The following CHL1 variants were observed in gnomAD, a reference collection of about 807,000 sequenced individuals.
CHL1 encodes the protein cell adhesion molecule L1 like.
In CHL1, 96 loss-of-function variants were observed where a neutral mutation model predicts 141.9. The ratio of observed to expected loss-of-function variants is 0.68; its 90% CI spans 0.57 to 0.80. The LOEUF is 0.80. CHL1 is among the 30% of genes least tolerant of loss of function. The pLI is 0.00. For missense variants in CHL1, 1,820 were observed against 1,457.2 expected, an observed-to-expected ratio of 1.25 and a Z score of -4.05; for synonymous variants, 613 against 502.2, an observed-to-expected ratio of 1.22 and a Z score of -2.95.
chr3:374,856 C>G (rs752872569), intron 15 of CHL1, among the ~76,000 whole-genome samples: 1 of 152,278 alleles, frequency 6.6e-6, no homozygotes, highest in African/African-American at 2.4e-5. Flanking sequence ...GAGACACCTT[C>G]TCCTTATTAC....
chr3:264,218 C>G (rs189669420), intron 2 of CHL1, among the ~76,000 whole-genome samples: 1 of 152,238 alleles, frequency 6.6e-6, no homozygotes, highest in Non-Finnish European at 1.5e-5. Flanking sequence ...TATTTCTCTA[C>G]GCACTTTTAA....
intron 1 of CHL1, among the ~76,000 whole-genome samples, chr3:213,945 C>T (rs1486852455): frequency 6.6e-6 from 1 of 152,138 alleles, no homozygotes; most frequent in African/African-American, 2.4e-5. Context: ...AAGGCTTCCT[C>T]ACATATTATA....
chr3:238,758 C>G (rs1417395244), intron 1 of CHL1, among the ~76,000 whole-genome samples: 3 of 110,430 alleles, frequency 2.7e-5, no homozygotes, highest in Admixed American at 1.1e-4. Flanking sequence ...AACCCCGTCT[C>G]TACTAAAAAT....
intron 2 of CHL1, among the ~76,000 whole-genome samples, chr3:251,387 A>G (rs939830414): frequency 6.6e-6 from 1 of 152,164 alleles, no homozygotes; most frequent in Non-Finnish European, 1.5e-5. Flanking sequence ...AGATTTGGAC[A>G]AACTAGTCAA....
At chr3:302,372 A>G (rs1698832151) in intron 2 of CHL1, among the ~76,000 whole-genome samples, 1 of 152,206 alleles carries the variant, frequency 6.6e-6, no homozygotes, top group South Asian at 2.1e-4. Flanking sequence ...ACAGTGTAAA[A>G]GCATTCCTAT....
intron 2 of CHL1, among the ~76,000 whole-genome samples, chr3:288,489 C>T (rs1286685021): frequency 1.3e-5 from 2 of 151,864 alleles, no homozygotes. Context: ...CTAATGAGGT[C>T]AAGTTTACAG....
At chr3:308,204 T>C (rs1699415922) in intron 2 of CHL1, among the ~76,000 whole-genome samples, 1 of 152,236 alleles carries the variant, frequency 6.6e-6, no homozygotes, top group Non-Finnish European at 1.5e-5. Context: ...CAACCGTCTA[T>C]ATCTATGCAG....
At position 359,367 on chromosome 3, in the gene CHL1, G is replaced by C. The variant is rs1319753095; in HGVS notation, c.1166-917G>C. On this transcript the variant is annotated intron_variant, in intron 11 of 27. Coordinates refer to ENST00000256509, the MANE Select transcript of CHL1 (RefSeq NM_006614.4). ...CACCCAGTCTGGAGTGCAGTGGCGA[G>C]ATCTTGGCTCACTGTAACCTCCACC... is the stretch of plus-strand genomic sequence containing the variant. Among the ~76,000 whole-genome samples the C allele has an allele frequency of 2.6e-5, 4 of 151,794 alleles. No homozygotes were observed. The South Asian group carries it at 6.3e-4, about 24-fold the overall frequency.
chr3:216,440 A>T (rs11714407), intron 1 of CHL1, among the ~76,000 whole-genome samples: 1 of 152,064 alleles, frequency 6.6e-6, no homozygotes, highest in South Asian at 2.1e-4. Context: ...ATTTTCTTTC[A>T]TAAAGCTGAG....
rs1160180134 is a variant in CHL1 at position 407,993 on chromosome 3, C to T, written c.*2282C>T. On this transcript the variant is annotated 3_prime_UTR_variant, in exon 28 of 28. Transcript: ENST00000256509. ...CAATACTATTTGGCAACTACTGGGACTCTTCAGCACAAAAGGAATAGATCT... is the reference window on the plus strand; with the variant it reads ...CAATACTATTTGGCAACTACTGGGATTCTTCAGCACAAAAGGAATAGATCT... The T allele has an allele frequency of 7.9e-5, 12 of 152,036 alleles. No individual in the cohort carries two copies. Among genetic ancestry groups the T allele is most frequent in the Non-Finnish European group, 1.8e-4 (12 of 67,996 alleles). 9.4% of individuals were successfully genotyped at this position (152,036 alleles called of 1,614,324 possible).
intron 2 of CHL1, among the ~76,000 whole-genome samples, chr3:277,751 C>T (rs1385850708): frequency 1.3e-5 from 2 of 152,156 alleles, no homozygotes; most frequent in African/African-American, 4.8e-5. Context: ...TCCCCCTTTC[C>T]CTGTCTTTGG....
chr3:212,930 A>T (rs185153693), intron 1 of CHL1, among the ~76,000 whole-genome samples: 154 of 152,368 alleles, frequency 1.0e-3, no homozygotes, highest in Non-Finnish European at 1.7e-3. Flanking sequence ...TTAAGATTTT[A>T]ACTGGCTTAC....
Position 391,787 on chromosome 3 carries a change from A to G in CHL1, c.2904A>G (p.Gln968=), listed in dbSNP as rs150099284. ...LNGNLTGYLL[Q]YQIINDTYEI... is the part of the protein sequence containing the mutation. ...GAAACTTAACTGGCTATCTTTTGCA[A>G]TATCAGATAAGTAAGTAGAAATTTG... is the stretch of plus-strand genomic sequence containing the variant. The change falls in exon 23 of 28, where the codon CAA becomes CAG. Residue 968 remains glutamine (Q), a synonymous_variant. Transcript: ENST00000256509. 1.3e-6 allele frequency: 2 copies of G among 1,582,602 alleles called. No homozygotes were observed. Among genetic ancestry groups the G allele is most frequent in the South Asian group, 1.2e-5 (1 of 85,724 alleles).
intron 3 of CHL1, among the ~76,000 whole-genome samples, chr3:320,499 C>A (rs191223407): frequency 6.6e-6 from 1 of 151,822 alleles, no homozygotes; most frequent in South Asian, 2.1e-4. Context: ...TCAGTTTGAA[C>A]GAACCATGGT....
intron 1 of CHL1, among the ~76,000 whole-genome samples, chr3:201,662 A>C (rs1468492378): frequency 6.6e-6 from 1 of 152,214 alleles, no homozygotes; most frequent in Non-Finnish European, 1.5e-5. Context: ...ATCTGAATCA[A>C]ATGATGCTGG....
intron 2 of CHL1, among the ~76,000 whole-genome samples, chr3:269,846 C>G (rs915158349): frequency 6.6e-6 from 1 of 152,142 alleles, no homozygotes. Flanking sequence ...CAGTATTAAG[C>G]AGCTGGGCTT....
chr3:212,536 C>G (rs577705382), intron 1 of CHL1, among the ~76,000 whole-genome samples: 21 of 152,270 alleles, frequency 1.4e-4, no homozygotes, highest in Middle Eastern at 3.4e-3. Context: ...TCACTCTTCT[C>G]CACTAAGATC....
At chr3:256,996 C>T (rs963602154) in intron 2 of CHL1, among the ~76,000 whole-genome samples, 4 of 152,158 alleles carry the variant, frequency 2.6e-5, no homozygotes, top group African/African-American at 9.7e-5. Flanking sequence ...ATTAAAGATG[C>T]CTCCTCCATG....
intron 1 of CHL1, among the ~76,000 whole-genome samples, chr3:241,330 G>A (rs182971964): frequency 6.6e-6 from 1 of 152,148 alleles, no homozygotes; most frequent in Non-Finnish European, 1.5e-5. Context: ...CTCTTGCTGA[G>A]CATCTAATGA....
Sources: gnomAD v4.1 joint callset for allele counts (sites outside exome capture counted in the v4.1 genomes callset) on GRCh38, gnomAD v4.1.1 for gene constraint, MANE v1.5 for transcripts, NCBI Gene and HGNC (gene_info 2026-07-23, HGNC 2026-07-21) for gene names.